The following VAV2 variants were observed in gnomAD, a reference collection of about 807,000 sequenced individuals.
The protein encoded by VAV2 is guanine nucleotide exchange factor VAV2.
VAV2 carries 67 observed loss-of-function variants against 132.5 expected under a neutral mutation model. The observed-to-expected ratio is 0.51, with a 90% CI of 0.42 to 0.62. VAV2 has a LOEUF of 0.62. VAV2 is among the 20% of genes least tolerant of loss of function. The pLI, the probability that VAV2 is intolerant of heterozygous loss-of-function variation, is 0.00. For missense variants in VAV2, 938 were observed against 1,153.6 expected (o/e 0.81, Z 2.71); for synonymous variants, 492 against 443.5 (o/e 1.11, Z -1.37).
chr9:133,961,747 C>T lies in VAV2; in HGVS notation c.205-22528G>A, dbSNP rs1388884359. On this transcript the variant is annotated intron_variant, in intron 1 of 29. Coordinates refer to ENST00000371850, the MANE Select transcript of VAV2 (RefSeq NM_001134398.2). This position sits in a 1 kb window ranked among gnomAD's most constrained non-coding sequence, Gnocchi z 4.1. Reference sequence around the variant, plus strand: ...CTGCAGAAAAGACACAGGACACAACCACGGCCCAGTGGCTCAGGGAGAAGA... The same window carrying T: ...CTGCAGAAAAGACACAGGACACAACTACGGCCCAGTGGCTCAGGGAGAAGA... Among the ~76,000 whole-genome samples, 3 of 152,200 alleles carry T rather than the reference C, an allele frequency of 2.0e-5. No individual in the cohort carries two copies. The highest frequency in any genetic ancestry group is 2.0e-4 in the Admixed American group (3 of 15,294).
chr9:133,768,589 C>T lies in VAV2; in HGVS notation c.2442G>A (p.Thr814=), dbSNP rs200140238. The T allele has an allele frequency of 1.4e-5, 23 of 1,613,682 alleles. No homozygotes were observed. The East Asian group carries it at 3.6e-4, about 25-fold the overall frequency. The change falls in exon 29 of 30, where the codon ACG becomes ACA. Residue 814 remains threonine (T), a synonymous_variant. Coordinates refer to ENST00000371850, the MANE Select transcript of VAV2 (RefSeq NM_001134398.2). This position sits in a 1 kb window ranked among gnomAD's most constrained non-coding sequence, Gnocchi z 5.3. Reference sequence around the variant, plus strand: ...CCACAGCTGTGCCGATGACGCGGGGCGTGAACACTGTTGAGGGAGATGGGC... The same window carrying T: ...CCACAGCTGTGCCGATGACGCGGGGTGTGAACACTGTTGAGGGAGATGGGC... ...GPSAPFWSVF[T]PRVIGTAVAR...
intron 1 of VAV2, among the ~76,000 whole-genome samples, chr9:133,953,384 G>C (rs1238073142): frequency 6.6e-6 from 1 of 152,228 alleles, no homozygotes; most frequent in Non-Finnish European, 1.5e-5. Flanking sequence ...GCTTGGATGA[G>C]AAACTGAGGC....
rs148713723 is a variant in VAV2, at chr9:133,889,993, C to G, written c.322-28561G>C. Among the ~76,000 whole-genome samples, 435 of 152,372 alleles carry G rather than the reference C, an allele frequency of 2.9e-3. 1 individual carries two copies. The highest frequency in any genetic ancestry group is 9.9e-3 in the African/African-American group (411 of 41,586). On this transcript the variant is annotated intron_variant, in intron 2 of 29. Transcript: ENST00000371850. The stretch of plus-strand genomic sequence containing the variant: ...ATTACTGTCTCTGCAGTGGAAGGAC[C>G]TGTCATCCTGGCTGGGAAAATTAGC...
intron 4 of VAV2, among the ~76,000 whole-genome samples, chr9:133,828,368 C>A (rs371023395): frequency 1.6e-4 from 1 of 6,368 alleles, no homozygotes; most frequent in African/African-American, 7.6e-4. Context: ...GGCATCACCA[C>A]CTACCGCTGC....
At chr9:133,862,532 G>A (rs1320608387) in intron 2 of VAV2, among the ~76,000 whole-genome samples, 4 of 152,232 alleles carry the variant, frequency 2.6e-5, no homozygotes, top group South Asian at 2.1e-4. Flanking sequence ...TTGCTTGTGC[G>A]TGCTACAAGT....
chr9:133,900,225 A>G (rs1377391749), intron 2 of VAV2, among the ~76,000 whole-genome samples: 1 of 151,928 alleles, frequency 6.6e-6, no homozygotes, highest in African/African-American at 2.4e-5. Flanking sequence ...AAAGAAAGAA[A>G]AGAAAAGTAA....
At chr9:133,822,107 G>A (rs1303119617) in intron 4 of VAV2, among the ~76,000 whole-genome samples, 1 of 152,268 alleles carries the variant, frequency 6.6e-6, no homozygotes, top group South Asian at 2.1e-4. Flanking sequence ...CACCTGCCCC[G>A]ATTCTGTTAC....
chr9:133,823,060 G>A lies in VAV2; in HGVS notation c.450-10844C>T, dbSNP rs889771565. 5.9e-5 allele frequency among the ~76,000 whole-genome samples: 9 copies of A among 152,222 alleles called. No individual in the cohort carries two copies. The East Asian group carries it at 7.7e-4, about 13-fold the overall frequency. The stretch of plus-strand genomic sequence containing the variant: ...TCAGGGGACAGGAGCAGGGATTGTC[G>A]AACAGCGTATGGACCTATGGCTCAG... On this transcript the variant is annotated intron_variant, in intron 4 of 29. Transcript: ENST00000371850. This position sits in a 1 kb window ranked among gnomAD's most constrained non-coding sequence, Gnocchi z 5.5.
Position 133,775,012 on chromosome 9 carries a change from C to G in VAV2, c.2058G>C (p.Leu686=). The change falls in exon 25 of 30, where the codon CTG becomes CTC. Residue 686 remains leucine, a synonymous_variant. Transcript: ENST00000371850. The part of the protein sequence containing the change: ...GNMERQQTDN[L]LKSHASGTYL... The stretch of plus-strand genomic sequence containing the variant: ...AGGTCCCGCTGGCGTGGGACTTGAG[C>G]AGGTTGTCCGTCTGCTGCCTCTCCA... 9 of 1,613,242 alleles carry G rather than the reference C, an allele frequency of 5.6e-6. No individual in the cohort carries two copies. The highest frequency in any genetic ancestry group is 7.6e-6 in the Non-Finnish European group (9 of 1,179,782).
chr9:133,970,523 G>A (rs1223629895), intron 1 of VAV2, among the ~76,000 whole-genome samples: 1 of 152,104 alleles, frequency 6.6e-6, no homozygotes, highest in Non-Finnish European at 1.5e-5. Context: ...GGCTGTCCAC[G>A]GCACCCACAG....
At chr9:133,850,198 C>T (rs1288152393) in intron 3 of VAV2, among the ~76,000 whole-genome samples, 4 of 152,212 alleles carry the variant, frequency 2.6e-5, no homozygotes, top group African/African-American at 9.6e-5. Flanking sequence ...GTGAGGGTCA[C>T]ACCAGGAGCA....
intron 3 of VAV2, among the ~76,000 whole-genome samples, chr9:133,848,619 G>A (rs1261780088): frequency 3.3e-5 from 5 of 152,252 alleles, no homozygotes; most frequent in African/African-American, 1.2e-4. Flanking sequence ...TCGAAACGCC[G>A]CTAAGCGCTG....
At chr9:133,767,826 C>T (rs942472967) in intron 29 of VAV2, among the ~76,000 whole-genome samples, 2 of 152,162 alleles carry the variant, frequency 1.3e-5, no homozygotes, top group African/African-American at 4.8e-5. Context: ...ACAGGGAGCT[C>T]TGGTGCTTGG....
At chr9:133,960,098 G>T (rs1425670514) in intron 1 of VAV2, among the ~76,000 whole-genome samples, 3 of 152,168 alleles carry the variant, frequency 2.0e-5, no homozygotes, top group Non-Finnish European at 4.4e-5. Flanking sequence ...CATCGCCCCT[G>T]CCCCGGGGCT....
At chr9:133,851,028 C>T (rs763811871) in intron 3 of VAV2, among the ~76,000 whole-genome samples, 3 of 152,228 alleles carry the variant, frequency 2.0e-5, no homozygotes, top group African/African-American at 7.2e-5. Context: ...AAAACTGGAG[C>T]AGACACACAA....
At position 133,870,082 on chromosome 9, in the gene VAV2, C is replaced by A. The variant is rs186857327; in HGVS notation, c.322-8650G>T. Among the ~76,000 whole-genome samples the A allele has an allele frequency of 2.6e-5, 4 of 152,158 alleles. No individual in the cohort carries two copies. In the East Asian group the frequency reaches 5.8e-4, roughly 22 times the overall value. On this transcript the variant is annotated intron_variant, in intron 2 of 29. Coordinates refer to ENST00000371850, the MANE Select transcript of VAV2 (RefSeq NM_001134398.2). The stretch of plus-strand genomic sequence containing the variant: ...TGCCTTCAGAATGACAAGCGACCAT[C>A]GAGTAGTGATAATTACAAAACATGT...
chr9:133,924,804 GT>G (rs1440999396), intron 2 of VAV2, among the ~76,000 whole-genome samples: 1 of 152,250 alleles, frequency 6.6e-6, no homozygotes, highest in Non-Finnish European at 1.5e-5. Context: ...GGAGCCGAAG[GT>G]GAAAACAGCC....
intron 2 of VAV2, among the ~76,000 whole-genome samples, chr9:133,916,311 A>C (rs975595005): frequency 5.9e-5 from 9 of 152,262 alleles, no homozygotes; most frequent in Non-Finnish European, 5.9e-5. Flanking sequence ...TTGCCCGCGG[A>C]GCCTGTGACT....
chr9:133,778,876 C>T lies in VAV2; in HGVS notation c.1776G>A (p.Val592=), dbSNP rs569053103. 31 of 1,612,552 alleles carry T rather than the reference C, an allele frequency of 1.9e-5. No individual in the cohort carries two copies. Among genetic ancestry groups the T allele is most frequent in the South Asian group, 1.6e-4 (15 of 91,068 alleles). ...GGTTGCCATGGTAATTCTGCATGGC[C>T]ACCATCTTGGGACCTGCAAAGGATA... ...ASGAGPGPKM[V]AMQNYHGNPA... The change falls in exon 22 of 30, where the codon GTG becomes GTA. Residue 592 remains valine, a synonymous_variant. Coordinates refer to ENST00000371850, the MANE Select transcript of VAV2 (RefSeq NM_001134398.2).
Sources: allele counts gnomAD v4.1 joint callset (sites outside exome capture counted in the v4.1 genomes callset), GRCh38; gene constraint gnomAD v4.1.1; non-coding constraint Gnocchi (gnomAD v3.1); transcripts MANE v1.5; gene names NCBI Gene and HGNC (gene_info 2026-07-23, HGNC 2026-07-21).